The following OPCML variants were observed in gnomAD, a reference collection of about 807,000 sequenced individuals.
OPCML encodes the protein opioid binding protein/cell adhesion molecule like.
Under a neutral mutation model 37.8 loss-of-function variants are expected in OPCML, and 13 were observed. The ratio of observed to expected loss-of-function variants is 0.34; its 90% confidence interval spans 0.22 to 0.55. OPCML has a LOEUF of 0.55. OPCML is among the 20% of genes least tolerant of loss of function. The pLI is 0.91. For missense variants in OPCML, 341 were observed against 435.6 expected (o/e 0.78, Z 1.93); for synonymous variants, 176 against 168.8 (o/e 1.04, Z -0.33).
At chr11:133,057,311 AT>A (rs549218329) in intron 1 of OPCML, among the ~76,000 whole-genome samples, 17 of 152,298 alleles carry the variant, frequency 1.1e-4, no homozygotes, top group Admixed American at 1.0e-3. Flanking sequence ...ATAGATTGGC[AT>A]GGGGTTTGAT....
intron 1 of OPCML, among the ~76,000 whole-genome samples, chr11:133,355,968 G>A (rs1944279952): frequency 6.6e-6 from 1 of 152,072 alleles, no homozygotes; most frequent in East Asian, 1.9e-4. Flanking sequence ...TAAATAGAGT[G>A]GGCATTCAGA....
intron 1 of OPCML, among the ~76,000 whole-genome samples, chr11:133,449,841 C>CG (rs565783349): frequency 2.5e-4 from 38 of 151,278 alleles, no homozygotes; most frequent in South Asian, 1.3e-3. Flanking sequence ...TGCATTTTGT[C>CG]GGGGGGCCAC....
At chr11:133,277,745 C>T (rs1353544280) in intron 1 of OPCML, among the ~76,000 whole-genome samples, 1 of 151,948 alleles carries the variant, frequency 6.6e-6, no homozygotes, top group Non-Finnish European at 1.5e-5. Flanking sequence ...ATGTGTATTA[C>T]AGACCTTGAC....
chr11:133,005,244 T>C lies in OPCML; in HGVS notation c.62-62234A>G, dbSNP rs573094500. The stretch of plus-strand genomic sequence containing the variant: ...CCTGGGGAGAGACGATTTTAAAAGA[T>C]TGATAGTGGAAAAAGTGCATGAATG... On this transcript the variant is annotated intron_variant, in intron 1 of 7. Coordinates refer to ENST00000524381, the MANE Select transcript of OPCML (RefSeq NM_001012393.5). The C allele has an allele frequency of 2.6e-5, 26 of 985,382 alleles. No individual in the cohort carries two copies. In the African/African-American group the frequency reaches 3.8e-4, roughly 15 times the overall value. 61.0% of individuals were successfully genotyped at this position (985,382 alleles called of 1,614,324 possible). A position where few individuals can be genotyped will look rare whatever the true frequency, so the allele number is the denominator to read the frequency against.
At chr11:133,406,436 T>C (rs1163691682) in intron 1 of OPCML, among the ~76,000 whole-genome samples, 2 of 152,118 alleles carry the variant, frequency 1.3e-5, no homozygotes. Flanking sequence ...TGTTAAGCTG[T>C]AGTTTTTTTC....
chr11:133,502,376 C>A (rs1410721288), intron 1 of OPCML, among the ~76,000 whole-genome samples: 2 of 152,188 alleles, frequency 1.3e-5, no homozygotes, highest in Non-Finnish European at 2.9e-5. Flanking sequence ...GTGACGCAGT[C>A]CATGCTGTTC....
At chr11:132,642,893 G>C (rs975028313) in intron 3 of OPCML, among the ~76,000 whole-genome samples, 1 of 152,154 alleles carries the variant, frequency 6.6e-6, no homozygotes, top group Non-Finnish European at 1.5e-5. Flanking sequence ...AGGAATTAAG[G>C]CTTTAGCCAA....
At chr11:132,775,163 T>G (rs1946770215) in intron 2 of OPCML, among the ~76,000 whole-genome samples, 1 of 152,224 alleles carries the variant, frequency 6.6e-6, no homozygotes, top group African/African-American at 2.4e-5. Flanking sequence ...TCTTTCTGGA[T>G]GCTACATTAC....
chr11:133,167,816 T>C (rs1950232262), intron 1 of OPCML, among the ~76,000 whole-genome samples: 1 of 152,160 alleles, frequency 6.6e-6, no homozygotes, highest in Admixed American at 6.5e-5. Flanking sequence ...GTTCTCTCTA[T>C]CTCAATCTAT....
chr11:133,329,061 C>A (rs1172548469), intron 1 of OPCML, among the ~76,000 whole-genome samples: 1 of 152,146 alleles, frequency 6.6e-6, no homozygotes, highest in Non-Finnish European at 1.5e-5. Context: ...AGAGCCAAAT[C>A]ATGAGTGAAC....
At chr11:133,473,046 G>A (rs1013594046) in intron 1 of OPCML, among the ~76,000 whole-genome samples, 2 of 152,146 alleles carry the variant, frequency 1.3e-5, no homozygotes, top group African/African-American at 4.8e-5. Context: ...CCCTGGGACT[G>A]TCTCTCCCTC....
intron 1 of OPCML, among the ~76,000 whole-genome samples, chr11:133,133,607 A>C (rs565568820): frequency 2.0e-4 from 30 of 152,132 alleles, no homozygotes; most frequent in African/African-American, 6.7e-4. Context: ...GAAGTGTAGT[A>C]GCTCCCCTCT....
At chr11:133,397,366 G>A (rs538047102) in intron 1 of OPCML, among the ~76,000 whole-genome samples, 2 of 152,180 alleles carry the variant, frequency 1.3e-5, no homozygotes, top group South Asian at 4.2e-4. Flanking sequence ...TCAATCATCC[G>A]AGAAGGATTT....
At chr11:132,825,441 AG>A (rs1432565831) in intron 2 of OPCML, among the ~76,000 whole-genome samples, 1 of 152,178 alleles carries the variant, frequency 6.6e-6, no homozygotes, top group Non-Finnish European at 1.5e-5. Context: ...TCCATTTGAC[AG>A]GGTGATATTG....
rs529946240 is a variant in OPCML at position 132,631,418 on chromosome 11, C to T, written c.379+25669G>A. On this transcript the variant is annotated intron_variant, in intron 3 of 7. Transcript: ENST00000524381. ...TACATAAAAGATATATATAATCTCC[C>T]TAGGTTTTAGGAAATATATATATAC... 1.6e-4 allele frequency among the ~76,000 whole-genome samples: 24 copies of T among 146,918 alleles called. No individual in the cohort carries two copies. The East Asian group carries it at 4.8e-3, about 29-fold the overall frequency.
At chr11:133,230,659 G>A (rs1362640951) in intron 1 of OPCML, among the ~76,000 whole-genome samples, 1 of 152,144 alleles carries the variant, frequency 6.6e-6, no homozygotes, top group East Asian at 1.9e-4. Flanking sequence ...GCAATAAAAG[G>A]CATCATAAAA....
chr11:132,729,345 T>C (rs1380615957), intron 2 of OPCML, among the ~76,000 whole-genome samples: 1 of 152,108 alleles, frequency 6.6e-6, no homozygotes, highest in Non-Finnish European at 1.5e-5. Context: ...CACTATCTCA[T>C]GATGTCCTGG....
intron 2 of OPCML, among the ~76,000 whole-genome samples, chr11:132,900,116 A>C (rs2725450): frequency 0.96 from 145,467 of 152,208 alleles, 69,960 homozygotes; most frequent in Middle Eastern, 1. Flanking sequence ...GACCTGTACA[A>C]CTTGCATTCT....
chr11:132,773,975 CT>C (rs1279990473), intron 2 of OPCML, among the ~76,000 whole-genome samples: 1 of 152,196 alleles, frequency 6.6e-6, no homozygotes, highest in East Asian at 1.9e-4. Flanking sequence ...AGGCTCTGTA[CT>C]TAGCACCCAC....
Sources: allele counts gnomAD v4.1 joint callset (sites outside exome capture counted in the v4.1 genomes callset), GRCh38; gene constraint gnomAD v4.1.1; transcripts MANE v1.5; gene names NCBI Gene and HGNC (gene_info 2026-07-23, HGNC 2026-07-21).